KIRREL3: variants seen among roughly 807,000 people sequenced by gnomAD.
KIRREL3 encodes the protein kin of IRRE-like protein 3.
Under a neutral mutation model 89.7 loss-of-function variants are expected in KIRREL3, and 36 were observed. The observed-to-expected ratio is 0.40, with a 90% CI of 0.31 to 0.53. KIRREL3 has a LOEUF of 0.53. KIRREL3 is among the 20% of genes least tolerant of loss of function. The pLI, the probability that KIRREL3 is intolerant of heterozygous loss-of-function variation, is 0.49. For missense variants in KIRREL3, 864 were observed against 1,056.6 expected (o/e 0.82, Z 2.53); for synonymous variants, 445 against 441.4 (o/e 1.01, Z -0.10).
rs140795105 is a variant in KIRREL3 at position 126,773,811 on chromosome 11, G to C, written c.56-210899C>G. ...GATAGTGTTTAGTGAGTGATGCATA[G>C]ATGAAAAGTAAAAACAGAATGTGAT... On this transcript the variant is annotated intron_variant, in intron 1 of 16. Transcript: ENST00000525144. This position sits in a 1 kb window ranked among gnomAD's most constrained non-coding sequence, Gnocchi z 4.2. Among the ~76,000 whole-genome samples the C allele has an allele frequency of 1.2e-3, 189 of 152,318 alleles. No homozygotes were observed. Among genetic ancestry groups the C allele is most frequent in the African/African-American group, 4.4e-3 (181 of 41,570 alleles).
chr11:126,874,823 A>C, intron 1 of KIRREL3, among the ~76,000 whole-genome samples: 1 of 152,174 alleles, frequency 6.6e-6, no homozygotes, highest in Admixed American at 6.5e-5. Flanking sequence ...GAAACATCAA[A>C]GGTGAAGCAA....
chr11:126,986,315 A>C (rs1360763053), intron 1 of KIRREL3, among the ~76,000 whole-genome samples: 1 of 152,194 alleles, frequency 6.6e-6, no homozygotes, highest in Non-Finnish European at 1.5e-5. Context: ...CCCAGTTCAC[A>C]ATGAAGTGAA....
chr11:126,817,804 G>T lies in KIRREL3; in HGVS notation c.55+182651C>A, dbSNP rs1372230482. On this transcript the variant is annotated intron_variant, in intron 1 of 16. Coordinates refer to ENST00000525144, the MANE Select transcript of KIRREL3 (RefSeq NM_032531.4). This position sits in a 1 kb window ranked among gnomAD's most constrained non-coding sequence, Gnocchi z 5.7. ...GGACCCATATCTAGAGGTGACTCTG[G>T]CACTCTGGCTGTCCCAACCCCACCC... is the stretch of plus-strand genomic sequence containing the variant. Among the ~76,000 whole-genome samples, 2 of 152,150 alleles carry T rather than the reference G, an allele frequency of 1.3e-5. No homozygotes were observed. Among genetic ancestry groups the T allele is most frequent in the African/African-American group, 2.4e-5 (1 of 41,454 alleles).
intron 1 of KIRREL3, among the ~76,000 whole-genome samples, chr11:126,958,714 T>G (rs1265087998): frequency 6.6e-6 from 1 of 152,232 alleles, no homozygotes; most frequent in African/African-American, 2.4e-5. Context: ...ATGCAAAGCA[T>G]CCCTAGCAAA....
chr11:126,934,957 G>C (rs1034862445), intron 1 of KIRREL3: 9 of 151,364 alleles, frequency 5.9e-5, no homozygotes, highest in African/African-American at 2.2e-4. Flanking sequence ...TACTCTGGAG[G>C]AATGGCATGA....
At chr11:126,472,489 C>T (rs1956922312) in intron 5 of KIRREL3, among the ~76,000 whole-genome samples, 1 of 152,142 alleles carries the variant, frequency 6.6e-6, no homozygotes, top group Admixed American at 6.5e-5. Context: ...AGCTCCACCC[C>T]CATGACCTGA....
In KIRREL3 at chr11:126,652,600, T is replaced by C. The variant is rs1179043856; in HGVS notation, c.56-89688A>G. Among the ~76,000 whole-genome samples the C allele has an allele frequency of 6.6e-6, 1 of 152,158 alleles. No homozygotes were observed. The highest frequency in any genetic ancestry group is 1.5e-5 in the Non-Finnish European group (1 of 68,018). On this transcript the variant is annotated intron_variant, in intron 1 of 16. Transcript: ENST00000525144. This position sits in a 1 kb window ranked among gnomAD's most constrained non-coding sequence, Gnocchi z 4.9. ...TCAATCTATAGGTAGCGGGGCTGGG[T>C]TCCTAAGGATGTCTGATTCTGAAGC...
At chr11:126,794,130 G>A (rs1269103376) in intron 1 of KIRREL3, among the ~76,000 whole-genome samples, 2 of 152,130 alleles carry the variant, frequency 1.3e-5, no homozygotes, top group Non-Finnish European at 2.9e-5. Flanking sequence ...ATAAAATAAT[G>A]GTAAGGAAGT....
Position 126,931,021 on chromosome 11 carries a change from C to T in KIRREL3, c.55+69434G>A, listed in dbSNP as rs1044551425. Among the ~76,000 whole-genome samples, 2 of 152,238 alleles carry T rather than the reference C, an allele frequency of 1.3e-5. No individual in the cohort carries two copies. The highest frequency in any genetic ancestry group is 2.9e-5 in the Non-Finnish European group (2 of 68,040). On this transcript the variant is annotated intron_variant, in intron 1 of 16. Transcript: ENST00000525144. This position sits in a 1 kb window ranked among gnomAD's most constrained non-coding sequence, Gnocchi z 5.1. ...CCAGAATTCCCCTATCCATCTCCCA[C>T]TCTCACACAGGACGAGTGTAGACAG...
At position 126,989,868 on chromosome 11, in the gene KIRREL3, G is replaced by C. The variant is rs1055707132; in HGVS notation, c.55+10587C>G. 1.3e-5 allele frequency among the ~76,000 whole-genome samples: 2 copies of C among 152,188 alleles called. No homozygotes were observed. Among genetic ancestry groups the C allele is most frequent in the African/African-American group, 4.8e-5 (2 of 41,446 alleles). On this transcript the variant is annotated intron_variant, in intron 1 of 16. Coordinates refer to ENST00000525144, the MANE Select transcript of KIRREL3 (RefSeq NM_032531.4). This position sits in a 1 kb window ranked among gnomAD's most constrained non-coding sequence, Gnocchi z 6.2. ...ATGGCCCGTGGTGGTTTTTTATAAT[G>C]GTGTTGTTGGAAATTAGTAATACCA... is the stretch of plus-strand genomic sequence containing the variant.
In KIRREL3 at chr11:126,568,318, G is replaced by A. The variant is rs1313832921; in HGVS notation, c.56-5406C>T. Reference sequence around the variant, plus strand: ...GGATGGGAGATGAGCTCAGAGAAGGGAGGCTGGCTGGGAGACCGCTGCCAT... The same window carrying A: ...GGATGGGAGATGAGCTCAGAGAAGGAAGGCTGGCTGGGAGACCGCTGCCAT... On this transcript the variant is annotated intron_variant, in intron 1 of 16. Coordinates refer to ENST00000525144, the MANE Select transcript of KIRREL3 (RefSeq NM_032531.4). The surrounding 1 kb of genome is among the most constrained non-coding windows in gnomAD (Gnocchi z 4.6). Among the ~76,000 whole-genome samples, 1 of 152,224 alleles carries A rather than the reference G, an allele frequency of 6.6e-6. No individual in the cohort carries two copies. Among genetic ancestry groups the A allele is most frequent in the African/African-American group, 2.4e-5 (1 of 41,448 alleles).
intron 1 of KIRREL3, among the ~76,000 whole-genome samples, chr11:126,960,553 C>T (rs966261121): frequency 2.0e-5 from 3 of 152,178 alleles, no homozygotes; most frequent in African/African-American, 4.8e-5. Context: ...CGGTTCCAGG[C>T]AGCAACTAGT....
intron 12 of KIRREL3, among the ~76,000 whole-genome samples, chr11:126,435,656 G>A (rs533048491): frequency 1.4e-4 from 21 of 152,304 alleles, no homozygotes; most frequent in African/African-American, 5.1e-4. Context: ...ATGATATTAT[G>A]CAAATTATGT....
intron 1 of KIRREL3, among the ~76,000 whole-genome samples, chr11:126,853,766 T>C (rs898009276): frequency 6.6e-6 from 1 of 152,158 alleles, no homozygotes; most frequent in African/African-American, 2.4e-5. Flanking sequence ...AAAACTTCCT[T>C]GACCTCCTTT....
rs571748717 is a variant in KIRREL3, at chr11:126,471,148, G to A, written c.591+2161C>T. ...TGAGGCAGGTGGATCACCTGAGGTC[G>A]GGAGTTTGAGACCAGCCTGACCAAC... is the stretch of plus-strand genomic sequence containing the variant. On this transcript the variant is annotated intron_variant, in intron 5 of 16. Coordinates refer to ENST00000525144, the MANE Select transcript of KIRREL3 (RefSeq NM_032531.4). This position sits in a 1 kb window ranked among gnomAD's most constrained non-coding sequence, Gnocchi z 5.4. Among the ~76,000 whole-genome samples, 32 of 152,050 alleles carry A rather than the reference G, an allele frequency of 2.1e-4. No homozygotes were observed. The highest frequency in any genetic ancestry group is 7.5e-4 in the African/African-American group (31 of 41,496).
rs567044558 is a variant in KIRREL3 at position 126,683,863 on chromosome 11, C to A, written c.56-120951G>T. On this transcript the variant is annotated intron_variant, in intron 1 of 16. Coordinates refer to ENST00000525144, the MANE Select transcript of KIRREL3 (RefSeq NM_032531.4). The surrounding 1 kb of genome is among the most constrained non-coding windows in gnomAD (Gnocchi z 5.2). ...AAACCCTCGCCAGGCCCCAGACGCG[C>A]GTGGGTCCACCTACCGTCCATCTAC... Among the ~76,000 whole-genome samples the A allele has an allele frequency of 6.6e-6, 1 of 152,218 alleles. No individual in the cohort carries two copies. Among genetic ancestry groups the A allele is most frequent in the South Asian group, 2.1e-4 (1 of 4,828 alleles).
At chr11:126,963,702 T>G (rs1202345876) in intron 1 of KIRREL3, among the ~76,000 whole-genome samples, 1 of 152,162 alleles carries the variant, frequency 6.6e-6, no homozygotes, top group African/African-American at 2.4e-5. Context: ...AAAGGCCTCC[T>G]ATACCTCCTA....
chr11:126,951,479 G>T (rs1948772117), intron 1 of KIRREL3, among the ~76,000 whole-genome samples: 1 of 152,180 alleles, frequency 6.6e-6, no homozygotes, highest in African/African-American at 2.4e-5. Context: ...GTGTGAGAAG[G>T]AGGTATCAGG....
intron 1 of KIRREL3, among the ~76,000 whole-genome samples, chr11:126,718,258 T>A (rs1040462864): frequency 3.9e-5 from 6 of 152,174 alleles, no homozygotes; most frequent in African/African-American, 1.4e-4. Context: ...TCTTCTGTGC[T>A]ATGGCTCTGA....
Sources: gnomAD v4.1 joint callset for allele counts (sites outside exome capture counted in the v4.1 genomes callset) on GRCh38, gnomAD v4.1.1 for gene constraint, Gnocchi (gnomAD v3.1) non-coding constraint, MANE v1.5 for transcripts, NCBI Gene and HGNC (gene_info 2026-07-23, HGNC 2026-07-21) for gene names.